DIRAS2: variants seen among roughly 807,000 people sequenced by gnomAD.
The protein encoded by DIRAS2 is DIRAS family GTPase 2.
Under a neutral mutation model 13.9 loss-of-function variants are expected in DIRAS2, and 5 were observed. The ratio of observed to expected loss-of-function variants is 0.36; its 90% CI spans 0.19 to 0.76. The LOEUF is 0.76. Among genes scored for constraint, DIRAS2 ranks in the 30% least tolerant of loss-of-function variants. The pLI is 0.53. For synonymous variants in DIRAS2, 111 were observed against 105.4 expected (o/e 1.05, Z -0.33); for missense variants, 191 against 263.0 (o/e 0.73, Z 1.89).
intron 1 of DIRAS2, among the ~76,000 whole-genome samples, chr9:90,623,224 G>A (rs955380158): frequency 6.6e-6 from 1 of 151,942 alleles, no homozygotes; most frequent in Non-Finnish European, 1.5e-5. Flanking sequence ...CTGGTCTGTG[G>A]TTTTCCATTT....
chr9:90,641,559 G>T (rs988181959), intron 1 of DIRAS2, among the ~76,000 whole-genome samples: 4 of 151,822 alleles, frequency 2.6e-5, no homozygotes, highest in African/African-American at 9.7e-5. Flanking sequence ...TAAAATTGTG[G>T]ACAATTTTCA....
intron 1 of DIRAS2, among the ~76,000 whole-genome samples, chr9:90,641,357 T>C (rs1324801638): frequency 1.3e-5 from 2 of 152,342 alleles, no homozygotes; most frequent in East Asian, 3.9e-4. Flanking sequence ...TTCTGTGCCT[T>C]GGTATAGACA....
intron 1 of DIRAS2, among the ~76,000 whole-genome samples, chr9:90,638,618 T>G (rs562974699): frequency 6.6e-6 from 1 of 150,482 alleles, no homozygotes; most frequent in East Asian, 1.9e-4. Flanking sequence ...AAGGAGGCAA[T>G]GAAATACTCC....
intron 1 of DIRAS2, among the ~76,000 whole-genome samples, chr9:90,623,476 A>T (rs61073666): frequency 0.12 from 13,355 of 108,216 alleles, 983 homozygotes; most frequent in African/African-American, 0.27. Context: ...TTAAGAAAAT[A>T]AAAAAAAATC....
chr9:90,636,027 C>CTTTTTTTTT lies in DIRAS2; in HGVS notation c.-37+6716_-37+6724dup, dbSNP rs1172661795. On this transcript the variant is annotated intron_variant, in intron 1 of 1. Coordinates refer to ENST00000375765, the MANE Select transcript of DIRAS2 (RefSeq NM_017594.5). ...AGGATAGAGAATACAACTGAATATT[C>CTTTTTTTTT]TTTTTTTTTTTTTTTTTTTTTTTTT... is the stretch of plus-strand genomic sequence containing the variant. 1.5e-4 allele frequency among the ~76,000 whole-genome samples: 10 copies of CTTTTTTTTT among 66,260 alleles called. 1 individual carries two copies. Among genetic ancestry groups the CTTTTTTTTT allele is most frequent in the East Asian group, 5.7e-4 (1 of 1,742 alleles). 43.5% of individuals were successfully genotyped at this position (66,260 alleles called of 152,430 possible). A position where few individuals can be genotyped will look rare whatever the true frequency, so the allele number is the denominator to read the frequency against.
intron 1 of DIRAS2, among the ~76,000 whole-genome samples, chr9:90,631,703 A>G (rs985744025): frequency 1.3e-5 from 2 of 152,090 alleles, no homozygotes; most frequent in Admixed American, 1.3e-4. Flanking sequence ...GAGATGCCAT[A>G]TCATTCATAT....
intron 1 of DIRAS2, among the ~76,000 whole-genome samples, chr9:90,622,674 G>T (rs2118556038): frequency 6.6e-6 from 1 of 152,260 alleles, no homozygotes; most frequent in African/African-American, 2.4e-5. Context: ...TCATTTTTAA[G>T]TTTAGCATCC....
In DIRAS2 at chr9:90,613,971, T is replaced by C. The variant is rs1423514060; in HGVS notation, c.-36-108A>G. 9.0e-7 allele frequency: 1 copy of C among 1,106,138 alleles called. No homozygotes were observed. The highest frequency in any genetic ancestry group is 3.0e-4 in the Middle Eastern group (1 of 3,304). The allele number at this position is 1,106,138 out of a possible 1,614,324, so 68.5% of individuals were successfully genotyped here. ...AGCTTAAAAATGGGAGGTGATAACA[T>C]TTAAAATAGCGACAATTCTAAATCC... On this transcript the variant is annotated intron_variant, in intron 1 of 1. Transcript: ENST00000375765. The surrounding 1 kb of genome is among the most constrained non-coding windows in gnomAD (Gnocchi z 5.6).
At chr9:90,623,858 A>G (rs956491367) in intron 1 of DIRAS2, among the ~76,000 whole-genome samples, 5 of 152,228 alleles carry the variant, frequency 3.3e-5, no homozygotes, top group African/African-American at 1.2e-4. Context: ...TGGGTGATAC[A>G]ATGAGACCCT....
At chr9:90,638,759 A>G (rs1825393430) in intron 1 of DIRAS2, among the ~76,000 whole-genome samples, 1 of 151,868 alleles carries the variant, frequency 6.6e-6, no homozygotes, top group African/African-American at 2.4e-5. Flanking sequence ...TTTTATGCAA[A>G]TAGAGAGCTG....
At chr9:90,627,175 G>A (rs531036809) in intron 1 of DIRAS2, among the ~76,000 whole-genome samples, 3 of 152,216 alleles carry the variant, frequency 2.0e-5, no homozygotes, top group Admixed American at 6.5e-5. Flanking sequence ...GTCTTCTGCC[G>A]TGATTGTACG....
intron 1 of DIRAS2, among the ~76,000 whole-genome samples, chr9:90,626,775 C>T (rs1234709086): frequency 2.6e-5 from 4 of 152,218 alleles, no homozygotes; most frequent in South Asian, 2.1e-4. Flanking sequence ...GAAACGAAAG[C>T]GGGGACTCTA....
At chr9:90,617,384 G>A (rs1182386438) in intron 1 of DIRAS2, among the ~76,000 whole-genome samples, 1 of 152,152 alleles carries the variant, frequency 6.6e-6, no homozygotes, top group Non-Finnish European at 1.5e-5. Context: ...TACACAAACA[G>A]CACTATAATA....
Position 90,611,603 on chromosome 9 carries a change from G to A in DIRAS2, c.*1625C>T, listed in dbSNP as rs1435333979. On this transcript the variant is annotated 3_prime_UTR_variant, in exon 2 of 2. Coordinates refer to ENST00000375765, the MANE Select transcript of DIRAS2 (RefSeq NM_017594.5). ...TGCAAGCCCTGCATAGGAGGGACAG[G>A]AGAAACAGCAGTTGCAGGAGGTGGC... 2 of 152,338 alleles carry A rather than the reference G, an allele frequency of 1.3e-5. No individual in the cohort carries two copies. The highest frequency in any genetic ancestry group is 2.9e-5 in the Non-Finnish European group (2 of 68,128). 9.4% of individuals were successfully genotyped at this position (152,338 alleles called of 1,614,324 possible). A position where few individuals can be genotyped will look rare whatever the true frequency, so the allele number is the denominator to read the frequency against.
At chr9:90,614,597 G>GCTGTC (rs1825151073) in intron 1 of DIRAS2, among the ~76,000 whole-genome samples, 1 of 152,128 alleles carries the variant, frequency 6.6e-6, no homozygotes, top group African/African-American at 2.4e-5. Context: ...CATCCCATAA[G>GCTGTC]CTGTCTGTAG....
rs1434040328 is a variant in DIRAS2 at position 90,610,698 on chromosome 9, T to C, written c.*2530A>G. 1 of 337,180 alleles carries C rather than the reference T, an allele frequency of 3.0e-6. No homozygotes were observed. Among genetic ancestry groups the C allele is most frequent in the Admixed American group, 4.8e-5 (1 of 20,892 alleles). 20.9% of individuals were successfully genotyped at this position (337,180 alleles called of 1,614,324 possible). On this transcript the variant is annotated 3_prime_UTR_variant, in exon 2 of 2. Transcript: ENST00000375765. ...CAATTGGGGATCTCCTAAAAGACGA[T>C]TTTGAGATAACCATTGATATCCTCA...
At chr9:90,627,992 A>G (rs1213834746) in intron 1 of DIRAS2, among the ~76,000 whole-genome samples, 2 of 152,262 alleles carry the variant, frequency 1.3e-5, no homozygotes, top group Non-Finnish European at 2.9e-5. Flanking sequence ...GCAAACCTGC[A>G]CATTCTGCAT....
At position 90,615,922 on chromosome 9, in the gene DIRAS2, T is replaced by C. The variant is rs560117386; in HGVS notation, c.-36-2059A>G. Among the ~76,000 whole-genome samples, 8 of 152,332 alleles carry C rather than the reference T, an allele frequency of 5.3e-5. No homozygotes were observed. In the East Asian group the frequency reaches 1.2e-3, roughly 22 times the overall value. ...CATTTAAACCATAGAAAATGGACAA[T>C]GGAATCTAATCTTAAGCTTCTTTCT... On this transcript the variant is annotated intron_variant, in intron 1 of 1. Transcript: ENST00000375765.
chr9:90,632,847 G>A (rs1183002127), intron 1 of DIRAS2, among the ~76,000 whole-genome samples: 6 of 152,352 alleles, frequency 3.9e-5, no homozygotes, highest in African/African-American at 1.2e-4. Flanking sequence ...ATGTGTTTCT[G>A]TGGGCTGGGC....
Sources: allele counts gnomAD v4.1 joint callset (sites outside exome capture counted in the v4.1 genomes callset), GRCh38; gene constraint gnomAD v4.1.1; non-coding constraint Gnocchi (gnomAD v3.1); transcripts MANE v1.5; gene names NCBI Gene and HGNC (gene_info 2026-07-23, HGNC 2026-07-21).